NDUFA10: variants seen among roughly 807,000 people sequenced by gnomAD.
The protein encoded by NDUFA10 is NADH:ubiquinone oxidoreductase subunit A10.
A neutral mutation model predicts 47.8 loss-of-function variants in NDUFA10; 40 were observed. The ratio of observed to expected loss-of-function variants is 0.84; its 90% CI spans 0.65 to 1.09. The LOEUF (loss-of-function observed/expected upper bound fraction) is 1.09, where lower values mean the gene tolerates loss of function less well. Ranked by LOEUF, NDUFA10 falls within the 50% of genes least tolerant of loss-of-function variation. The pLI, the probability that NDUFA10 is intolerant of heterozygous loss-of-function variation, is 0.00. For missense variants in NDUFA10, 413 were observed against 451.1 expected (o/e 0.92, Z 0.76); for synonymous variants, 183 against 172.2 (o/e 1.06, Z -0.49).
chr2:239,960,360 G>C lies in NDUFA10; in HGVS notation c.*758C>G, dbSNP rs1694800069. On this transcript the variant is annotated 3_prime_UTR_variant, in exon 10 of 10. Coordinates refer to ENST00000252711, the MANE Select transcript of NDUFA10 (RefSeq NM_004544.4). Reference sequence around the variant, plus strand: ...ATTTCTCAGTTTTGACTGGCAACTTGATTTTCTGGGTAATAAAGAGAGTAT... The same window carrying C: ...ATTTCTCAGTTTTGACTGGCAACTTCATTTTCTGGGTAATAAAGAGAGTAT... The C allele has an allele frequency of 1.0e-6, 1 of 985,332 alleles. No homozygotes were observed. Among genetic ancestry groups the C allele is most frequent in the Non-Finnish European group, 1.2e-6 (1 of 829,990 alleles). 61.0% of individuals were successfully genotyped at this position (985,332 alleles called of 1,614,324 possible).
At chr2:239,901,959 T>C (rs937883476) in intron 4 of NDUFA10, among the ~76,000 whole-genome samples, 1 of 151,918 alleles carries the variant, frequency 6.6e-6, no homozygotes, top group Non-Finnish European at 1.5e-5. Context: ...AGGAGAAAAT[T>C]TGAGTGAATG....
chr2:240,011,748 T>C lies in NDUFA10; in HGVS notation c.670-52A>G, dbSNP rs1697154119. 4 of 1,455,116 alleles carry C rather than the reference T, an allele frequency of 2.7e-6. No individual in the cohort carries two copies. The African/African-American group carries it at 4.2e-5, about 15-fold the overall frequency. The allele number at this position is 1,455,116 out of a possible 1,614,324, so 90.1% of individuals were successfully genotyped here. ...GGGAAACATTTAGAGTTCATTCTCT[T>C]TGACCTGTGCGTATATAAAATGCGA... On this transcript the variant is annotated intron_variant, in intron 5 of 9. Coordinates refer to ENST00000252711, the MANE Select transcript of NDUFA10 (RefSeq NM_004544.4).
chr2:240,014,406 G>A, intron 5 of NDUFA10: 1 of 381,522 alleles, frequency 2.6e-6, no homozygotes, highest in South Asian at 2.3e-5. Flanking sequence ...AACCTCATCA[G>A]AGAACAGAAA....
intron 4 of NDUFA10, chr2:240,017,689 G>T: frequency 2.7e-6 from 2 of 730,390 alleles, no homozygotes; most frequent in Non-Finnish European, 4.7e-6. Flanking sequence ...GTCCAGGGAG[G>T]ATCAGCCCCT....
In NDUFA10 at chr2:239,969,621, T is replaced by C. The variant is rs528788254; in HGVS notation, c.1000-8435A>G. The stretch of plus-strand genomic sequence containing the variant: ...GCCAAATCTTTCCTGGATTCTTTCT[T>C]CCTGTCTCTTGTCACAGTCCCGCAA... On this transcript the variant is annotated intron_variant, in intron 9 of 9. Transcript: ENST00000252711. 7.2e-5 allele frequency: 34 copies of C among 470,952 alleles called. No individual in the cohort carries two copies. The East Asian group carries it at 2.3e-3, about 32-fold the overall frequency. The allele number at this position is 470,952 out of a possible 1,614,324, so 29.2% of individuals were successfully genotyped here.
At chr2:239,981,747 CT>C (rs1695783709) in intron 9 of NDUFA10, among the ~76,000 whole-genome samples, 1 of 152,130 alleles carries the variant, frequency 6.6e-6, no homozygotes, top group African/African-American at 2.4e-5. Context: ...CACAGACCAC[CT>C]ATTTACAGAA....
intron 4 of NDUFA10, among the ~76,000 whole-genome samples, chr2:239,933,906 G>A (rs1246662776): frequency 6.6e-6 from 1 of 152,176 alleles, no homozygotes; most frequent in African/African-American, 2.4e-5. Context: ...CACCCAGGCT[G>A]GAGTGGAGTG....
At chr2:240,011,536 A>AT in intron 6 of NDUFA10, 81 bp downstream of exon 6, 1 of 1,109,284 alleles carries the variant, frequency 9.0e-7, no homozygotes, top group Non-Finnish European at 1.4e-6. Flanking sequence ...ATAAGACAGA[A>AT]AACTCCCTGG....
chr2:239,927,833 A>C (rs890302023), intron 4 of NDUFA10, among the ~76,000 whole-genome samples: 5 of 152,212 alleles, frequency 3.3e-5, no homozygotes, highest in Non-Finnish European at 5.9e-5. Flanking sequence ...ATAAAACCAC[A>C]TGGAACAACA....
chr2:239,961,542 CAG>C (rs556225696), intron 9 of NDUFA10, among the ~76,000 whole-genome samples: 193 of 152,304 alleles, frequency 1.3e-3, no homozygotes, highest in African/African-American at 4.4e-3. Flanking sequence ...CACGCAGACA[CAG>C]GGGTGGGGCT....
intron 4 of NDUFA10, among the ~76,000 whole-genome samples, chr2:239,934,418 G>T (rs114594190): frequency 0.014 from 1,874 of 134,204 alleles, 47 homozygotes; most frequent in African/African-American, 0.05. Context: ...CTCTGCACAT[G>T]TGGCATGAAA....
At chr2:239,972,118 G>C (rs1349657301) in intron 9 of NDUFA10, among the ~76,000 whole-genome samples, 1 of 150,396 alleles carries the variant, frequency 6.6e-6, no homozygotes, top group East Asian at 2.0e-4. Context: ...TTTCCCAGCT[G>C]AAAGAGTTTT....
At chr2:239,901,147 T>C (rs1322258063) in intron 4 of NDUFA10, among the ~76,000 whole-genome samples, 1 of 152,176 alleles carries the variant, frequency 6.6e-6, no homozygotes, top group Non-Finnish European at 1.5e-5. Flanking sequence ...CAACACTCTT[T>C]TCCATTCTGA....
chr2:240,022,961 CTCCT>C (rs1458603862), intron 1 of NDUFA10, among the ~76,000 whole-genome samples: 6 of 152,172 alleles, frequency 3.9e-5, no homozygotes, highest in South Asian at 4.1e-4. Context: ...TGATACCTTT[CTCCT>C]TCCTTCAACT....
At position 239,959,934 on chromosome 2, in the gene NDUFA10, G is replaced by A. The variant is rs1018872746; in HGVS notation, c.*1184C>T. 6 of 985,390 alleles carry A rather than the reference G, an allele frequency of 6.1e-6. No individual in the cohort carries two copies. In the African/African-American group the frequency reaches 1.0e-4, roughly 17 times the overall value. The allele number at this position is 985,390 out of a possible 1,614,324, so 61.0% of individuals were successfully genotyped here. ...CTCCGCAGCAGCGAGGCCTGGTAGA[G>A]CTTCCGCGGGGAGCAGAGCATCGTC... is the stretch of plus-strand genomic sequence containing the variant. On this transcript the variant is annotated 3_prime_UTR_variant, in exon 10 of 10. Transcript: ENST00000252711.
intron 4 of NDUFA10, among the ~76,000 whole-genome samples, chr2:239,921,438 C>T (rs952951801): frequency 2.6e-5 from 4 of 152,142 alleles, no homozygotes; most frequent in Admixed American, 6.5e-5. Flanking sequence ...TTGTCCCTGC[C>T]CATGTTCCAT....
chr2:239,997,173 A>G (rs978747181), intron 8 of NDUFA10, among the ~76,000 whole-genome samples: 3 of 152,160 alleles, frequency 2.0e-5, no homozygotes, highest in African/African-American at 7.2e-5. Context: ...AAGAAAAAAG[A>G]TCTAAAGTCA....
chr2:239,920,705 G>A (rs1311053896), intron 4 of NDUFA10, among the ~76,000 whole-genome samples: 1 of 152,210 alleles, frequency 6.6e-6, no homozygotes, highest in East Asian at 1.9e-4. Context: ...TTAAGGGAGG[G>A]GCTCCCAGGC....
chr2:239,932,863 G>A (rs1455183442), intron 4 of NDUFA10, among the ~76,000 whole-genome samples: 1 of 152,210 alleles, frequency 6.6e-6, no homozygotes, highest in East Asian at 1.9e-4. Flanking sequence ...TTACAGGTGT[G>A]AGCCACCGCG....
Sources: allele counts gnomAD v4.1 joint callset (sites outside exome capture counted in the v4.1 genomes callset), GRCh38; gene constraint gnomAD v4.1.1; transcripts MANE v1.5; gene names NCBI Gene and HGNC (gene_info 2026-07-23, HGNC 2026-07-21).